The following BEND6 variants were observed in gnomAD, a reference collection of about 807,000 sequenced individuals.
The protein encoded by BEND6 is BEN domain containing 6.
BEND6 carries 24 observed loss-of-function variants against 31.8 expected under a neutral mutation model. The ratio of observed to expected loss-of-function variants is 0.75; its 90% CI spans 0.55 to 1.06. BEND6 has a LOEUF of 1.06. Among genes scored for constraint, BEND6 ranks in the 50% least tolerant of loss-of-function variants. The probability of loss-of-function intolerance (pLI) is 0.00; values close to 1 mark genes in which losing one functional copy is unlikely to be tolerated. For synonymous variants in BEND6, 109 were observed against 114.6 expected (o/e 0.95, Z 0.31); for missense variants, 294 against 327.4 (o/e 0.90, Z 0.79).
At chr6:57,011,514 T>C (rs1827340223) in intron 3 of BEND6, among the ~76,000 whole-genome samples, 1 of 151,486 alleles carries the variant, frequency 6.6e-6, no homozygotes, top group East Asian at 1.9e-4. Flanking sequence ...GCCCAGGAGT[T>C]CAAGACCAGC....
At chr6:57,018,653 A>G (rs1827644857) in intron 6 of BEND6, 96 bp downstream of exon 6, 1 of 1,192,378 alleles carries the variant, frequency 8.4e-7, no homozygotes, top group Non-Finnish European at 1.1e-6. Context: ...ACTCTACTAG[A>G]AAATACTAGT....
At chr6:57,019,841 C>A (rs1827681719) in intron 6 of BEND6, among the ~76,000 whole-genome samples, 1 of 152,244 alleles carries the variant, frequency 6.6e-6, no homozygotes, top group Non-Finnish European at 1.5e-5. Flanking sequence ...CGCCTGTAGT[C>A]CCAATGGTTT....
At chr6:56,960,569 TC>T (rs754646199) in intron 1 of BEND6, among the ~76,000 whole-genome samples, 2 of 152,220 alleles carry the variant, frequency 1.3e-5, no homozygotes, top group Non-Finnish European at 2.9e-5. Flanking sequence ...TAGCTAGAGT[TC>T]CCCTATTTCT....
At chr6:56,982,850 C>G (rs1826119173) in intron 2 of BEND6, among the ~76,000 whole-genome samples, 1 of 151,886 alleles carries the variant, frequency 6.6e-6, no homozygotes, top group Non-Finnish European at 1.5e-5. Context: ...CATTCTTATC[C>G]CTGTCTTTGG....
At chr6:56,997,585 A>G (rs1199510197) in intron 3 of BEND6, among the ~76,000 whole-genome samples, 1 of 150,918 alleles carries the variant, frequency 6.6e-6, no homozygotes, top group African/African-American at 2.4e-5. Context: ...ACGGAATCTC[A>G]CTCTGTCGCC....
At chr6:57,003,801 A>T (rs964497808) in intron 3 of BEND6, among the ~76,000 whole-genome samples, 10 of 152,212 alleles carry the variant, frequency 6.6e-5, no homozygotes, top group Admixed American at 6.5e-5. Context: ...AGCAATTCAA[A>T]TCAAACAGCA....
chr6:57,020,102 T>A (rs1355011167), intron 6 of BEND6, among the ~76,000 whole-genome samples: 1 of 152,120 alleles, frequency 6.6e-6, no homozygotes, highest in East Asian at 1.9e-4. Context: ...AAAAAGAAGT[T>A]ATAAAAGATA....
Position 57,015,244 on chromosome 6 carries a change from A to G in BEND6, c.410A>G (p.Asn137Ser), listed in dbSNP as rs564440830. 1.2e-5 allele frequency: 20 copies of G among 1,614,172 alleles called. No individual in the cohort carries two copies. The East Asian group carries it at 4.0e-4, about 32-fold the overall frequency. The change falls in exon 4 of 7, where the codon AAC (asparagine) becomes AGC (serine). Residue 137 changes from asparagine (N) to serine (S), a missense_variant. Coordinates refer to ENST00000370746, the MANE Select transcript of BEND6 (RefSeq NM_152731.3). ...TSASTLWRAT[N>S]NSSPDSFAST... is the part of the protein sequence containing the mutation. ...GCATCCACCCTCTGGAGAGCAACAA[A>G]CAACTCCTCGCCAGATTCATTTGCC...
At chr6:56,989,883 G>A (rs1344316260) in intron 2 of BEND6, among the ~76,000 whole-genome samples, 2 of 152,216 alleles carry the variant, frequency 1.3e-5, no homozygotes, top group African/African-American at 4.8e-5. Context: ...GTGCCTTAAT[G>A]AAGAAAATTT....
rs540090520 is a variant in BEND6 at position 57,006,695 on chromosome 6, A to G, written c.299-8438A>G. On this transcript the variant is annotated intron_variant, in intron 3 of 6. Transcript: ENST00000370746. ...AATGTACAGATTGAATGCAATTCCTATCAAAATACCAATGACATTTTTCAC... is the reference window on the plus strand; with the variant it reads ...AATGTACAGATTGAATGCAATTCCTGTCAAAATACCAATGACATTTTTCAC... Among the ~76,000 whole-genome samples, 12 of 152,362 alleles carry G rather than the reference A, an allele frequency of 7.9e-5. No individual in the cohort carries two copies. The South Asian group carries it at 2.3e-3, about 29-fold the overall frequency.
At chr6:56,956,155 C>T (rs1824908091) in intron 1 of BEND6, among the ~76,000 whole-genome samples, 1 of 152,344 alleles carries the variant, frequency 6.6e-6, no homozygotes, top group Middle Eastern at 3.4e-3. Flanking sequence ...TTCATTTACT[C>T]GCATAAGAAA....
chr6:56,981,946 C>A lies in BEND6; in HGVS notation c.120+16C>A. The A allele has an allele frequency of 1.3e-6, 2 of 1,597,606 alleles. No individual in the cohort carries two copies. Among genetic ancestry groups the A allele is most frequent in the Non-Finnish European group, 1.7e-6 (2 of 1,174,414 alleles). ...TAAAGGACAGGTTGGTTTTTTGTTA[C>A]CTTGACTCAACTTTGTTATCTAGCT... is the stretch of plus-strand genomic sequence containing the variant. On this transcript the variant is annotated intron_variant, in intron 2 of 6. Transcript: ENST00000370746.
intron 2 of BEND6, among the ~76,000 whole-genome samples, chr6:56,986,973 C>CTTTTTTTTTTTTTTTT (rs869195941): frequency 8.1e-6 from 1 of 123,816 alleles, no homozygotes; most frequent in Non-Finnish European, 1.7e-5. Flanking sequence ...TGTTTCTTTT[C>CTTTTTTTTTTTTTTTT]TTTTTTTTTT....
intron 2 of BEND6, among the ~76,000 whole-genome samples, chr6:56,982,683 AT>A (rs1304144543): frequency 2.0e-5 from 3 of 152,048 alleles, no homozygotes; most frequent in Non-Finnish European, 2.9e-5. Flanking sequence ...GGTTTAAAAT[AT>A]TTTTTAAAGG....
Position 57,018,461 on chromosome 6 carries a change from A to T in BEND6, c.753A>T (p.Ser251=). 1 of 1,587,496 alleles carries T rather than the reference A, an allele frequency of 6.3e-7. No homozygotes were observed. The highest frequency in any genetic ancestry group is 8.5e-7 in the Non-Finnish European group (1 of 1,171,984). Reference sequence around the variant, plus strand: ...TATTTCCCAATACGGATGATGTTTCAATTAGGAGAATGATAGGGCAAAAGC... The same window carrying T: ...TATTTCCCAATACGGATGATGTTTCTATTAGGAGAATGATAGGGCAAAAGC... ...KQLFPNTDDV[S]IRRMIGQKLN... Residue 251 remains serine, a synonymous_variant, in exon 6 of 7, where the codon TCA becomes TCT. Coordinates refer to ENST00000370746, the MANE Select transcript of BEND6 (RefSeq NM_152731.3).
intron 3 of BEND6, among the ~76,000 whole-genome samples, chr6:57,003,385 C>T (rs1562552625): frequency 6.6e-6 from 1 of 152,094 alleles, no homozygotes; most frequent in Non-Finnish European, 1.5e-5. Flanking sequence ...CCAGTGGTCC[C>T]AGCTACTCAG....
chr6:56,984,413 T>C (rs1199647814), intron 2 of BEND6, among the ~76,000 whole-genome samples: 3 of 152,186 alleles, frequency 2.0e-5, no homozygotes, highest in Non-Finnish European at 4.4e-5. Context: ...GTTTAAGAGG[T>C]TCCCATATTT....
At chr6:56,998,110 G>A (rs1453027363) in intron 3 of BEND6, among the ~76,000 whole-genome samples, 2 of 152,084 alleles carry the variant, frequency 1.3e-5, no homozygotes. Flanking sequence ...TTGAGGGAGA[G>A]GGAGTGGTTT....
At chr6:56,994,087 C>T (rs1448446909) in intron 3 of BEND6, among the ~76,000 whole-genome samples, 4 of 152,084 alleles carry the variant, frequency 2.6e-5, no homozygotes, top group Non-Finnish European at 4.4e-5. Context: ...ACATAATACC[C>T]ATTTTTATAT....
Sources: gnomAD v4.1 joint callset for allele counts (sites outside exome capture counted in the v4.1 genomes callset) on GRCh38, gnomAD v4.1.1 for gene constraint, MANE v1.5 for transcripts, NCBI Gene and HGNC (gene_info 2026-07-23, HGNC 2026-07-21) for gene names.